The following CERS6 variants were observed in gnomAD, a reference collection of about 807,000 sequenced individuals.
CERS6 encodes the protein ceramide synthase 6.
CERS6 carries 26 observed loss-of-function variants against 56.8 expected under a neutral mutation model. The observed-to-expected ratio is 0.46, with a 90% CI of 0.34 to 0.63. CERS6 has a LOEUF of 0.63. CERS6 is among the 30% of genes least tolerant of loss of function. The pLI, the probability that CERS6 is intolerant of heterozygous loss-of-function variation, is 0.01. For missense variants in CERS6, 415 were observed against 467.5 expected (o/e 0.89, Z 1.04); for synonymous variants, 164 against 173.3 (o/e 0.95, Z 0.42).
chr2:168,465,218 A>G (rs1179859763), intron 1 of CERS6, among the ~76,000 whole-genome samples: 1 of 152,242 alleles, frequency 6.6e-6, no homozygotes, highest in African/African-American at 2.4e-5. Context: ...TGTAGACTGG[A>G]TAATTCATAA....
chr2:168,546,441 A>G (rs1695467578), intron 1 of CERS6, among the ~76,000 whole-genome samples: 1 of 152,202 alleles, frequency 6.6e-6, no homozygotes, highest in Non-Finnish European at 1.5e-5. Context: ...TTGCACGTGT[A>G]CAATGTTCCA....
Position 168,482,315 on chromosome 2 carries a change from G to A in CERS6, c.170+25697G>A, listed in dbSNP as rs570578337. On this transcript the variant is annotated intron_variant, in intron 1 of 9. Transcript: ENST00000305747. ...GTGGACTAGATCAATGGACTTGGAA[G>A]TTCGTGGAACAAAGCCACTAAAAGA... is the stretch of plus-strand genomic sequence containing the variant. 1.4e-4 allele frequency among the ~76,000 whole-genome samples: 22 copies of A among 152,340 alleles called. No homozygotes were observed. In the East Asian group the frequency reaches 2.9e-3, roughly 20 times the overall value.
In CERS6 at chr2:168,765,758, A is replaced by G; in HGVS notation, c.1002+10A>G. On this transcript the variant is annotated intron_variant, in intron 9 of 9. Transcript: ENST00000305747. ...TGTTTCAAGAGGCAAGGTAAGCTAC[A>G]ACTCACTTTTTCCAATATGTCTTAA... 2 of 1,602,978 alleles carry G rather than the reference A, an allele frequency of 1.2e-6. No homozygotes were observed. The highest frequency in any genetic ancestry group is 1.7e-6 in the Non-Finnish European group (2 of 1,175,622).
chr2:168,732,364 C>G (rs1683566802), intron 8 of CERS6, among the ~76,000 whole-genome samples: 1 of 152,182 alleles, frequency 6.6e-6, no homozygotes, highest in Admixed American at 6.5e-5. Context: ...GGTGCTGGTG[C>G]CTCTTGCAGT....
chr2:168,533,134 G>A (rs905062529), intron 1 of CERS6, among the ~76,000 whole-genome samples: 2 of 152,186 alleles, frequency 1.3e-5, no homozygotes, highest in African/African-American at 2.4e-5. Context: ...TATTATACTT[G>A]TTGTGTATCT....
chr2:168,597,086 G>A (rs924184882), intron 3 of CERS6, among the ~76,000 whole-genome samples: 22 of 152,096 alleles, frequency 1.4e-4, no homozygotes, highest in African/African-American at 5.3e-4. Flanking sequence ...ACTGCTATGA[G>A]TTTAGCTTTG....
At chr2:168,580,432 C>T (rs1197118702) in intron 3 of CERS6, among the ~76,000 whole-genome samples, 2 of 152,228 alleles carry the variant, frequency 1.3e-5, no homozygotes, top group South Asian at 2.1e-4. Flanking sequence ...ATGTTGACCC[C>T]TCTTTTACCC....
At chr2:168,532,665 G>C (rs1429670742) in intron 1 of CERS6, among the ~76,000 whole-genome samples, 2 of 152,110 alleles carry the variant, frequency 1.3e-5, no homozygotes, top group African/African-American at 4.8e-5. Context: ...ACCTGGGATA[G>C]AGACCATCTT....
chr2:168,482,483 G>A (rs1453112521), intron 1 of CERS6, among the ~76,000 whole-genome samples: 1 of 152,214 alleles, frequency 6.6e-6, no homozygotes, highest in Non-Finnish European at 1.5e-5. Context: ...TACAAGTTGT[G>A]CCTTCAGCTT....
At chr2:168,570,791 T>C (rs1695971517) in intron 3 of CERS6, among the ~76,000 whole-genome samples, 1 of 152,114 alleles carries the variant, frequency 6.6e-6, no homozygotes, top group Non-Finnish European at 1.5e-5. Flanking sequence ...TTTTCTTCTG[T>C]GAAAGGAGAA....
At chr2:168,667,290 A>C (rs1685787123) in intron 4 of CERS6, among the ~76,000 whole-genome samples, 1 of 152,190 alleles carries the variant, frequency 6.6e-6, no homozygotes, top group African/African-American at 2.4e-5. Context: ...GAGGGTGAAC[A>C]AGTAGCACAG....
chr2:168,598,609 A>G (rs1302417694), intron 3 of CERS6, among the ~76,000 whole-genome samples: 1 of 152,206 alleles, frequency 6.6e-6, no homozygotes, highest in East Asian at 1.9e-4. Flanking sequence ...TAATGCCATC[A>G]TATCTAATAA....
chr2:168,513,643 C>T (rs1181284835), intron 1 of CERS6, among the ~76,000 whole-genome samples: 10 of 152,158 alleles, frequency 6.6e-5, no homozygotes, highest in Non-Finnish European at 8.8e-5. Context: ...ATGTTGACCC[C>T]GCTCACCTGG....
intron 1 of CERS6, among the ~76,000 whole-genome samples, chr2:168,507,712 C>G (rs1319304033): frequency 2.0e-5 from 3 of 152,158 alleles, no homozygotes; most frequent in Admixed American, 2.0e-4. Context: ...CATCCAATGA[C>G]AACTTCCACC....
intron 1 of CERS6, among the ~76,000 whole-genome samples, chr2:168,458,589 C>T (rs1024549940): frequency 1.3e-5 from 2 of 152,316 alleles, no homozygotes; most frequent in Admixed American, 6.5e-5. Flanking sequence ...TTGTCAGTCA[C>T]AGCAAATGTC....
chr2:168,562,146 G>A (rs1022477375), intron 3 of CERS6, among the ~76,000 whole-genome samples: 4 of 152,144 alleles, frequency 2.6e-5, no homozygotes, highest in Non-Finnish European at 5.9e-5. Flanking sequence ...CATTTAAACA[G>A]TAGTGCTTTC....
intron 3 of CERS6, among the ~76,000 whole-genome samples, chr2:168,598,685 C>T (rs533304570): frequency 1.8e-4 from 27 of 152,062 alleles, no homozygotes; most frequent in Non-Finnish European, 3.1e-4. Flanking sequence ...AATTTAATAA[C>T]GTAGCTTACA....
intron 3 of CERS6, among the ~76,000 whole-genome samples, chr2:168,600,139 T>C (rs1683897077): frequency 6.6e-6 from 1 of 152,004 alleles, no homozygotes; most frequent in African/African-American, 2.4e-5. Flanking sequence ...CAGTAGTGTC[T>C]GCTTAGTCGT....
intron 4 of CERS6, among the ~76,000 whole-genome samples, chr2:168,676,982 T>G (rs1277624345): frequency 6.6e-6 from 1 of 151,492 alleles, no homozygotes; most frequent in Non-Finnish European, 1.5e-5. Context: ...TACGCACCAT[T>G]GCTTTGTTTT....
Sources: allele counts gnomAD v4.1 joint callset (sites outside exome capture counted in the v4.1 genomes callset), GRCh38; gene constraint gnomAD v4.1.1; transcripts MANE v1.5; gene names NCBI Gene and HGNC (gene_info 2026-07-23, HGNC 2026-07-21).